CADM2: variants seen among roughly 807,000 people sequenced by gnomAD.
CADM2 encodes cell adhesion molecule 2, also known as immunoglobulin superfamily member 4D.
In CADM2, 12 loss-of-function variants were observed where a neutral mutation model predicts 49.8. The observed-to-expected ratio is 0.24, with a 90% CI of 0.15 to 0.39. The LOEUF is 0.39. CADM2 is among the 10% of genes least tolerant of loss of function. The pLI is 1.00. For synonymous variants in CADM2, 214 were observed against 175.4 expected (o/e 1.22, Z -1.74); for missense variants, 378 against 492.3 (o/e 0.77, Z 2.20).
At chr3:85,682,865 T>A (rs919628345) in intron 1 of CADM2, among the ~76,000 whole-genome samples, 2 of 152,096 alleles carry the variant, frequency 1.3e-5, no homozygotes, top group African/African-American at 4.8e-5. Flanking sequence ...TTATTTATTT[T>A]TGTAATTTTC....
chr3:85,158,852 A>C (rs2040225166), intron 1 of CADM2, among the ~76,000 whole-genome samples: 1 of 152,046 alleles, frequency 6.6e-6, no homozygotes, highest in South Asian at 2.1e-4. Flanking sequence ...GATAATAAAT[A>C]AAATAAAATA....
Position 85,437,272 on chromosome 3 carries a change from C to T in CADM2, c.62-289250C>T, listed in dbSNP as rs141141904. Among the ~76,000 whole-genome samples the T allele has an allele frequency of 2.4e-3, 366 of 152,186 alleles. 2 individuals carry two copies. Among genetic ancestry groups the T allele is most frequent in the African/African-American group, 8.4e-3 (350 of 41,540 alleles). On this transcript the variant is annotated intron_variant, in intron 1 of 9. Transcript: ENST00000383699. ...ACTGAATACTGAAGGACATCTTAAT[C>T]GCTTCTAAGTTTTGGCAATGATGAA...
At chr3:85,855,583 A>ACAT (rs1375911130) in intron 3 of CADM2, among the ~76,000 whole-genome samples, 4 of 121,114 alleles carry the variant, frequency 3.3e-5, no homozygotes, top group African/African-American at 1.4e-4. Context: ...ATATATAAAA[A>ACAT]ACATATATAT....
At chr3:85,248,025 A>G (rs2042688747) in intron 1 of CADM2, among the ~76,000 whole-genome samples, 1 of 152,170 alleles carries the variant, frequency 6.6e-6, no homozygotes, top group Admixed American at 6.5e-5. Context: ...TCAGCATTTG[A>G]AAAATCCTCA....
chr3:86,067,092 T>C lies in CADM2; in HGVS notation c.*309T>C. 4.2e-6 allele frequency: 1 copy of C among 236,522 alleles called. No individual in the cohort carries two copies. Among genetic ancestry groups the C allele is most frequent in the Non-Finnish European group, 8.2e-6 (1 of 121,306 alleles). The allele number at this position is 236,522 out of a possible 1,614,324, so 14.7% of individuals were successfully genotyped here. A position where few individuals can be genotyped will look rare whatever the true frequency, so the allele number is the denominator to read the frequency against. ...CTTGGATCATTATATTGAGTGGTTTTTATACATTAAAAAATGTATGCAGAG... is the reference window on the plus strand; with the variant it reads ...CTTGGATCATTATATTGAGTGGTTTCTATACATTAAAAAATGTATGCAGAG... On this transcript the variant is annotated 3_prime_UTR_variant, in exon 10 of 10. Coordinates refer to ENST00000383699, the MANE Select transcript of CADM2 (RefSeq NM_001167675.2).
intron 8 of CADM2, among the ~76,000 whole-genome samples, chr3:86,052,561 A>T (rs1737469718): frequency 6.6e-6 from 1 of 152,136 alleles, no homozygotes; most frequent in Non-Finnish European, 1.5e-5. Context: ...CAAGAATTTA[A>T]GTCCAGTGCT....
chr3:85,385,215 G>A (rs73134751), intron 1 of CADM2, among the ~76,000 whole-genome samples: 8,570 of 152,190 alleles, frequency 0.056, 389 homozygotes, highest in Non-Finnish European at 0.08. Context: ...GATTACAGGC[G>A]TTAGCCACCA....
intron 1 of CADM2, among the ~76,000 whole-genome samples, chr3:85,177,906 G>GA (rs1359251441): frequency 6.6e-6 from 1 of 151,832 alleles, no homozygotes; most frequent in East Asian, 1.9e-4. Flanking sequence ...GTGTGGGGGA[G>GA]AAAAAAGGCG....
At chr3:85,352,435 A>T (rs921859694) in intron 1 of CADM2, among the ~76,000 whole-genome samples, 1 of 152,158 alleles carries the variant, frequency 6.6e-6, no homozygotes, top group Non-Finnish European at 1.5e-5. Context: ...GGTGAAAAAA[A>T]CCAGCTAATT....
At chr3:85,866,861 C>T (rs1188682385) in intron 3 of CADM2, among the ~76,000 whole-genome samples, 1 of 152,070 alleles carries the variant, frequency 6.6e-6, no homozygotes, top group East Asian at 1.9e-4. Flanking sequence ...ACATATAACA[C>T]ATACACACAT....
At chr3:85,065,921 A>G (rs1417093330) in intron 1 of CADM2, among the ~76,000 whole-genome samples, 5 of 152,154 alleles carry the variant, frequency 3.3e-5, no homozygotes, top group Non-Finnish European at 5.9e-5. Context: ...ATTAGCACTC[A>G]TTTCAGTGCA....
At chr3:85,645,031 A>G (rs908120061) in intron 1 of CADM2, among the ~76,000 whole-genome samples, 3 of 152,084 alleles carry the variant, frequency 2.0e-5, no homozygotes, top group African/African-American at 2.4e-5. Flanking sequence ...ACTAAACTTA[A>G]TTGTTGAATA....
intron 8 of CADM2, among the ~76,000 whole-genome samples, chr3:86,011,507 C>T (rs1731504156): frequency 1.3e-5 from 2 of 151,980 alleles, no homozygotes; most frequent in South Asian, 4.2e-4. Context: ...AGTGGCAATA[C>T]CCTTGCAATC....
At chr3:85,594,875 T>C (rs1333297849) in intron 1 of CADM2, among the ~76,000 whole-genome samples, 3 of 152,026 alleles carry the variant, frequency 2.0e-5, no homozygotes, top group African/African-American at 7.2e-5. Flanking sequence ...TGCTTGTTAC[T>C]ACTTGGCACC....
chr3:85,440,797 A>G (rs1245030734), intron 1 of CADM2, among the ~76,000 whole-genome samples: 1 of 152,042 alleles, frequency 6.6e-6, no homozygotes, highest in Admixed American at 6.6e-5. Context: ...AGTCGAGCCA[A>G]TATGGTGAAA....
intron 1 of CADM2, among the ~76,000 whole-genome samples, chr3:85,018,843 A>G (rs1008495257): frequency 1.3e-5 from 2 of 152,204 alleles, no homozygotes; most frequent in Non-Finnish European, 2.9e-5. Flanking sequence ...CAAAATATCA[A>G]TGAATTAACA....
At chr3:85,776,059 C>G (rs985546965) in intron 2 of CADM2, among the ~76,000 whole-genome samples, 1 of 151,514 alleles carries the variant, frequency 6.6e-6, no homozygotes, top group African/African-American at 2.4e-5. Context: ...CTGTGAATTT[C>G]TCTTGGGGGT....
At chr3:85,914,912 T>C (rs547351895) in intron 6 of CADM2, among the ~76,000 whole-genome samples, 18 of 152,310 alleles carry the variant, frequency 1.2e-4, no homozygotes, top group African/African-American at 4.1e-4. Context: ...TTTGCTATTA[T>C]AAAGACACAG....
chr3:85,499,569 A>C (rs2040033925), intron 1 of CADM2, among the ~76,000 whole-genome samples: 1 of 151,466 alleles, frequency 6.6e-6, no homozygotes, highest in African/African-American at 2.4e-5. Context: ...TAAATAATCT[A>C]TCAAGTAGTA....
Sources: allele counts gnomAD v4.1 joint callset (sites outside exome capture counted in the v4.1 genomes callset), GRCh38; gene constraint gnomAD v4.1.1; transcripts MANE v1.5; gene names NCBI Gene and HGNC (gene_info 2026-07-23, HGNC 2026-07-21).